Variants in L3MBTL4 observed in about 807,000 individuals in gnomAD.
L3MBTL4 encodes lethal(3)malignant brain tumor-like protein 4.
Under a neutral mutation model 84.5 loss-of-function variants are expected in L3MBTL4, and 70 were observed. That is an observed-to-expected ratio of 0.83 (90% CI 0.68 to 1.01). The LOEUF is 1.01. L3MBTL4 is among the 50% of genes least tolerant of loss of function. The pLI is 0.00. For synonymous variants in L3MBTL4, 274 were observed against 259.8 expected, an observed-to-expected ratio of 1.05 and a Z score of -0.52; for missense variants, 715 against 754.8, an observed-to-expected ratio of 0.95 and a Z score of 0.62.
intron 5 of L3MBTL4, among the ~76,000 whole-genome samples, chr18:6,246,478 T>C (rs193153734): frequency 7.9e-5 from 12 of 152,360 alleles, no homozygotes; most frequent in African/African-American, 2.4e-4. Flanking sequence ...AATAATCATA[T>C]ACTAATGGAA....
At chr18:6,147,674 A>G (rs529823036) in intron 13 of L3MBTL4, among the ~76,000 whole-genome samples, 1 of 152,306 alleles carries the variant, frequency 6.6e-6, no homozygotes, top group East Asian at 1.9e-4. Flanking sequence ...ATATAATAAT[A>G]ATACTTATCT....
rs1465852820 is a variant in L3MBTL4 at position 5,956,134 on chromosome 18, G to A, written c.*86C>T. 6 of 1,109,264 alleles carry A rather than the reference G, an allele frequency of 5.4e-6. No individual in the cohort carries two copies. Among genetic ancestry groups the A allele is most frequent in the Non-Finnish European group, 8.0e-6 (6 of 751,554 alleles). The allele number at this position is 1,109,264 out of a possible 1,614,324, so 68.7% of individuals were successfully genotyped here. A position where few individuals can be genotyped will look rare whatever the true frequency, so the allele number is the denominator to read the frequency against. On this transcript the variant is annotated 3_prime_UTR_variant, in exon 19 of 19. Transcript: ENST00000317931. The stretch of plus-strand genomic sequence containing the variant: ...CAGATTCAGTGTGGATACGGCCATG[G>A]GGACATTCACATCAAATTAATGTGC...
At chr18:6,274,770 G>A (rs2049012161) in intron 4 of L3MBTL4, among the ~76,000 whole-genome samples, 3 of 152,172 alleles carry the variant, frequency 2.0e-5, no homozygotes, top group African/African-American at 7.2e-5. Context: ...AGGAGATCAT[G>A]GCGCACGCAG....
chr18:6,350,789 C>A (rs1192343651), intron 1 of L3MBTL4, among the ~76,000 whole-genome samples: 3 of 152,158 alleles, frequency 2.0e-5, no homozygotes, highest in Admixed American at 6.5e-5. Flanking sequence ...TAAATGGCAA[C>A]ATTATTCACA....
chr18:5,983,760 T>C (rs1379098075), intron 16 of L3MBTL4, among the ~76,000 whole-genome samples: 1 of 152,154 alleles, frequency 6.6e-6, no homozygotes, highest in African/African-American at 2.4e-5. Context: ...CCCCTCCCAC[T>C]TCCCAAATAG....
intron 13 of L3MBTL4, among the ~76,000 whole-genome samples, chr18:6,160,354 T>C (rs545290795): frequency 1.7e-4 from 26 of 152,262 alleles, no homozygotes; most frequent in African/African-American, 6.3e-4. Context: ...AAGTCAGCAG[T>C]GTTACAAGTC....
At chr18:6,397,622 G>A (rs1471954416) in intron 1 of L3MBTL4, 2 of 152,164 alleles carry the variant, frequency 1.3e-5, no homozygotes, top group Non-Finnish European at 2.9e-5. Flanking sequence ...GTCGAGGAAG[G>A]AGGATCGCTT....
intron 1 of L3MBTL4, among the ~76,000 whole-genome samples, chr18:6,360,600 C>T (rs951046361): frequency 6.6e-6 from 1 of 152,144 alleles, no homozygotes. Context: ...CATTAGACCA[C>T]GAGATGGTGA....
At chr18:6,313,339 G>C (rs1048427659) in intron 1 of L3MBTL4, among the ~76,000 whole-genome samples, 4 of 152,188 alleles carry the variant, frequency 2.6e-5, no homozygotes, top group Non-Finnish European at 5.9e-5. Flanking sequence ...TTAGAATGCT[G>C]TATGACTAGA....
intron 16 of L3MBTL4, among the ~76,000 whole-genome samples, chr18:5,973,869 C>T (rs1434325433): frequency 6.6e-6 from 1 of 152,208 alleles, no homozygotes; most frequent in Admixed American, 6.5e-5. Flanking sequence ...GTCATGACTC[C>T]TATCCAGCTC....
intron 1 of L3MBTL4, among the ~76,000 whole-genome samples, chr18:6,320,221 C>A (rs975893859): frequency 5.9e-5 from 9 of 151,898 alleles, no homozygotes; most frequent in Admixed American, 5.9e-4. Context: ...AAGCATTCGC[C>A]CTTGAGAACT....
At chr18:6,147,779 A>G (rs1050552143) in intron 13 of L3MBTL4, among the ~76,000 whole-genome samples, 3 of 152,242 alleles carry the variant, frequency 2.0e-5, no homozygotes, top group Non-Finnish European at 2.9e-5. Flanking sequence ...TAAGGCAAAA[A>G]TATCATGTGG....
intron 1 of L3MBTL4, among the ~76,000 whole-genome samples, chr18:6,374,872 C>T (rs1199380859): frequency 6.6e-6 from 1 of 152,042 alleles, no homozygotes; most frequent in East Asian, 1.9e-4. Context: ...TCTAAAGCAC[C>T]GTGAAATCTA....
intron 16 of L3MBTL4, chr18:6,031,021 T>C (rs981024421): frequency 1.0e-6 from 1 of 985,396 alleles, no homozygotes; most frequent in Non-Finnish European, 1.2e-6. Context: ...CATGTTTCCA[T>C]TTTATAGTTG....
chr18:6,084,930 T>G (rs2058209553), intron 15 of L3MBTL4, among the ~76,000 whole-genome samples: 2 of 152,122 alleles, frequency 1.3e-5, no homozygotes. Flanking sequence ...TGGGGTGTGG[T>G]GTGCAATGAG....
chr18:6,255,752 T>C (rs1332953658), intron 5 of L3MBTL4, among the ~76,000 whole-genome samples: 1 of 133,556 alleles, frequency 7.5e-6, no homozygotes, highest in East Asian at 2.1e-4. Context: ...ACCTTAAAAC[T>C]GAAGGCAACA....
rs71370550 is a variant in L3MBTL4, at chr18:6,318,494, TAAAAAAAAAA to T, written c.-90-6448_-90-6439del. On this transcript the variant is annotated intron_variant, in intron 1 of 18. Transcript: ENST00000317931. The stretch of plus-strand genomic sequence containing the variant: ...AAAACAGACTTTCAAACAACAATAG[TAAAAAAAAAA>T]AAAAAAAAAAAAAAAAAAAAAGACA... Among the ~76,000 whole-genome samples, 135 of 14,208 alleles carry T rather than the reference TAAAAAAAAAA, an allele frequency of 9.5e-3. 3 individuals are homozygous for T. Among genetic ancestry groups the T allele is most frequent in the African/African-American group, 0.028 (119 of 4,238 alleles). 9.3% of individuals were successfully genotyped at this position (14,208 alleles called of 152,430 possible).
chr18:6,144,048 T>C (rs1241976861), intron 13 of L3MBTL4, among the ~76,000 whole-genome samples: 1 of 151,764 alleles, frequency 6.6e-6, no homozygotes, highest in Non-Finnish European at 1.5e-5. Context: ...ATACAAAGAA[T>C]TGGCTGGGCA....
intron 16 of L3MBTL4, among the ~76,000 whole-genome samples, chr18:6,005,205 A>T (rs2054416956): frequency 6.6e-6 from 1 of 151,162 alleles, no homozygotes; most frequent in Non-Finnish European, 1.5e-5. Context: ...TTAGCCAGGT[A>T]TTGTGGCTTG....
Sources: allele counts gnomAD v4.1 joint callset (sites outside exome capture counted in the v4.1 genomes callset), GRCh38; gene constraint gnomAD v4.1.1; transcripts MANE v1.5; gene names NCBI Gene and HGNC (gene_info 2026-07-23, HGNC 2026-07-21).